EML4: variants seen among roughly 807,000 people sequenced by gnomAD.
EML4 encodes the protein EMAP like 4, also known as echinoderm microtubule-associated protein-like 4.
EML4 carries 72 observed loss-of-function variants against 129.0 expected under a neutral mutation model. That is an observed-to-expected ratio of 0.56 (90% confidence interval 0.46 to 0.68). The LOEUF (loss-of-function observed/expected upper bound fraction) is 0.68, where lower values mean the gene tolerates loss of function less well. Ranked by LOEUF, EML4 falls within the 30% of genes least tolerant of loss-of-function variation. The probability of loss-of-function intolerance (pLI) is 0.00; values close to 1 mark genes in which losing one functional copy is unlikely to be tolerated. For missense variants in EML4, 1,363 were observed against 1,190.6 expected, an observed-to-expected ratio of 1.14 and a Z score of -2.13; for synonymous variants, 532 against 405.0, an observed-to-expected ratio of 1.31 and a Z score of -3.77.
chr2:42,330,107 T>G lies in EML4; in HGVS notation c.2846T>G (p.Leu949Arg), dbSNP rs2103851798. ...EEESEEGSGD[L>R]GEPLYEEPCN... is the part of the protein sequence containing the mutation. ...GAGAGTGAAGAGGGCAGCGGAGACC[T>G]TGGTGAGCCTCTTTATGAAGAGCCA... Residue 949 changes from leucine (L) to arginine (R), a missense_variant, in exon 23 of 23, where the codon CTT becomes CGT. Leu to Arg is a moderately radical substitution (Grantham distance 102). Transcript: ENST00000318522. The G allele has an allele frequency of 6.2e-7, 1 of 1,612,544 alleles. No homozygotes were observed. The highest frequency in any genetic ancestry group is 2.2e-5 in the East Asian group (1 of 44,852).
At chr2:42,179,756 C>A (rs1232242948) in intron 1 of EML4, among the ~76,000 whole-genome samples, 1 of 152,170 alleles carries the variant, frequency 6.6e-6, no homozygotes, top group East Asian at 1.9e-4. Flanking sequence ...GCACATGCCA[C>A]CATGCCCGGC....
intron 1 of EML4, among the ~76,000 whole-genome samples, chr2:42,196,316 A>G (rs1572860289): frequency 1.3e-5 from 2 of 152,370 alleles, no homozygotes; most frequent in African/African-American, 4.8e-5. Context: ...TATGTGCTTA[A>G]TGATGATCAC....
chr2:42,272,559 A>G (rs1666436737), intron 6 of EML4, among the ~76,000 whole-genome samples: 1 of 152,156 alleles, frequency 6.6e-6, no homozygotes. Flanking sequence ...CTGGGATTAC[A>G]GACATGAGCC....
At chr2:42,254,930 A>G (rs1676027985) in intron 2 of EML4, among the ~76,000 whole-genome samples, 1 of 152,214 alleles carries the variant, frequency 6.6e-6, no homozygotes, top group African/African-American at 2.4e-5. Context: ...TATACAGTGG[A>G]ATATTTTTCT....
At chr2:42,220,620 T>C (rs987820584) in intron 1 of EML4, among the ~76,000 whole-genome samples, 4 of 152,150 alleles carry the variant, frequency 2.6e-5, no homozygotes, top group Non-Finnish European at 4.4e-5. Flanking sequence ...CAATGGTTCT[T>C]AAGTGTTCAA....
intron 21 of EML4, among the ~76,000 whole-genome samples, chr2:42,327,641 C>T (rs911563688): frequency 7.2e-5 from 11 of 152,114 alleles, no homozygotes; most frequent in Non-Finnish European, 1.6e-4. Flanking sequence ...TCTGGAAATC[C>T]GACCTCTATG....
At chr2:42,261,880 G>A (rs562115980) in intron 4 of EML4, among the ~76,000 whole-genome samples, 33 of 152,142 alleles carry the variant, frequency 2.2e-4, no homozygotes, top group Non-Finnish European at 2.9e-4. Context: ...ATATTTTAAA[G>A]TTATGAGAAG....
intron 2 of EML4, among the ~76,000 whole-genome samples, chr2:42,248,148 C>CT (rs1302710743): frequency 6.6e-6 from 1 of 151,702 alleles, no homozygotes; most frequent in Non-Finnish European, 1.5e-5. Context: ...AAAACCTTTT[C>CT]TTTTTTTTGT....
chr2:42,282,360 A>T (rs74489578), intron 7 of EML4, among the ~76,000 whole-genome samples: 2 of 128,734 alleles, frequency 1.6e-5, no homozygotes, highest in African/African-American at 5.8e-5. Flanking sequence ...GCTAGGGATA[A>T]TGGCAGGATA....
At chr2:42,175,347 T>G (rs533439027) in intron 1 of EML4, among the ~76,000 whole-genome samples, 1 of 151,790 alleles carries the variant, frequency 6.6e-6, no homozygotes, top group East Asian at 1.9e-4. Flanking sequence ...TCGCCTGACC[T>G]TGTTATTCGC....
At chr2:42,223,923 A>G (rs2104132600) in intron 1 of EML4, among the ~76,000 whole-genome samples, 1 of 152,226 alleles carries the variant, frequency 6.6e-6, no homozygotes, top group East Asian at 1.9e-4. Context: ...TAATACCACT[A>G]CGGGTTCTCC....
At chr2:42,219,653 C>A (rs1017466) in intron 1 of EML4, among the ~76,000 whole-genome samples, 86,098 of 152,002 alleles carry the variant, frequency 0.57, 24,726 homozygotes, top group East Asian at 0.74. Flanking sequence ...TGCAGTGGCT[C>A]ACGCCTGTAA....
chr2:42,251,964 A>G (rs528245962), intron 2 of EML4, among the ~76,000 whole-genome samples: 1 of 152,356 alleles, frequency 6.6e-6, no homozygotes, highest in East Asian at 1.9e-4. Context: ...GCTGAGAAAC[A>G]ATTTCAATTT....
chr2:42,259,097 AT>A (rs981024850), intron 3 of EML4, among the ~76,000 whole-genome samples: 1 of 152,130 alleles, frequency 6.6e-6, no homozygotes, highest in Non-Finnish European at 1.5e-5. Flanking sequence ...AAATGTAAAA[AT>A]TAGCTGGGTG....
At chr2:42,259,611 C>A (rs1284934954) in intron 3 of EML4, among the ~76,000 whole-genome samples, 2 of 151,310 alleles carry the variant, frequency 1.3e-5, no homozygotes, top group Non-Finnish European at 2.9e-5. Flanking sequence ...AAATAACTTT[C>A]TAAAATTTTT....
At chr2:42,311,203 T>G (rs1452524613) in intron 17 of EML4, among the ~76,000 whole-genome samples, 3 of 152,168 alleles carry the variant, frequency 2.0e-5, no homozygotes, top group Non-Finnish European at 4.4e-5. Flanking sequence ...GAGATAAAAT[T>G]ACATAGTTTT....
At chr2:42,226,816 T>C (rs1673992710) in intron 1 of EML4, among the ~76,000 whole-genome samples, 1 of 152,200 alleles carries the variant, frequency 6.6e-6, no homozygotes, top group South Asian at 2.1e-4. Flanking sequence ...AGTATTTACA[T>C]GTATCACAGT....
At chr2:42,244,050 C>T (rs1457419043) in intron 1 of EML4, among the ~76,000 whole-genome samples, 1 of 151,722 alleles carries the variant, frequency 6.6e-6, no homozygotes, top group East Asian at 1.9e-4. Context: ...ACTGAATGAA[C>T]CAATAGCAAT....
At chr2:42,225,891 T>C (rs1042241542) in intron 1 of EML4, among the ~76,000 whole-genome samples, 3 of 152,194 alleles carry the variant, frequency 2.0e-5, no homozygotes, top group East Asian at 1.9e-4. Context: ...GTTGAATTTA[T>C]GTCCTTGGGA....
Sources: gnomAD v4.1 joint callset for allele counts (sites outside exome capture counted in the v4.1 genomes callset) on GRCh38, gnomAD v4.1.1 for gene constraint, MANE v1.5 for transcripts, NCBI Gene and HGNC (gene_info 2026-07-23, HGNC 2026-07-21) for gene names.